PARD3B: variants seen among roughly 807,000 people sequenced by gnomAD.
PARD3B encodes par-3 family cell polarity regulator beta.
A neutral mutation model predicts 130.2 loss-of-function variants in PARD3B; 103 were observed. The ratio of observed to expected loss-of-function variants is 0.79; its 90% CI spans 0.67 to 0.93. The LOEUF is 0.93. PARD3B is among the 40% of genes least tolerant of loss of function. PARD3B has a pLI of 0.00. For synonymous variants in PARD3B, 583 were observed against 553.2 expected (o/e 1.05, Z -0.76); for missense variants, 1,609 against 1,499.2 (o/e 1.07, Z -1.21).
chr2:205,442,178 A>G (rs1575033504), intron 20 of PARD3B, among the ~76,000 whole-genome samples: 1 of 152,120 alleles, frequency 6.6e-6, no homozygotes, highest in East Asian at 1.9e-4. Flanking sequence ...GTATTTTCCA[A>G]TACTAATTCC....
At chr2:205,404,608 A>T (rs1261259792) in intron 19 of PARD3B, among the ~76,000 whole-genome samples, 2 of 152,156 alleles carry the variant, frequency 1.3e-5, no homozygotes. Context: ...CTATGAGATC[A>T]ATATACGATA....
intron 4 of PARD3B, among the ~76,000 whole-genome samples, chr2:205,049,165 G>C (rs1167749675): frequency 2.0e-5 from 3 of 152,126 alleles, no homozygotes; most frequent in Non-Finnish European, 2.9e-5. Context: ...GAAAGTCCCT[G>C]TATTTGCCCA....
rs1448784599 is a variant in PARD3B at position 204,546,530 on chromosome 2, G to A, written c.120+411G>A. ...TAAGTGTGATTTTTGACCCATTAAG[G>A]CCCGCCTCACTTAGGCTCCTTGGAG... On this transcript the variant is annotated intron_variant, in intron 1 of 22. Transcript: ENST00000406610. Among the ~76,000 whole-genome samples, 3 of 152,284 alleles carry A rather than the reference G, an allele frequency of 2.0e-5. No homozygotes were observed. The East Asian group carries it at 5.8e-4, about 29-fold the overall frequency.
At chr2:205,331,392 C>CCAGAAGTTTCTAGGAAA (rs971838314) in intron 18 of PARD3B, among the ~76,000 whole-genome samples, 2 of 151,982 alleles carry the variant, frequency 1.3e-5, no homozygotes, top group African/African-American at 4.8e-5. Context: ...TTCCTAGAAA[C>CCAGAAGTTTCTAGGAAA]CTAAGCCAGA....
intron 16 of PARD3B, among the ~76,000 whole-genome samples, chr2:205,256,446 G>A (rs2040088650): frequency 6.6e-6 from 1 of 151,982 alleles, no homozygotes; most frequent in Non-Finnish European, 1.5e-5. Context: ...AGCAACAATA[G>A]GAATGCAAAC....
intron 20 of PARD3B, among the ~76,000 whole-genome samples, chr2:205,450,326 GT>G (rs2048052636): frequency 6.6e-6 from 1 of 151,862 alleles, no homozygotes; most frequent in Non-Finnish European, 1.5e-5. Context: ...CTGTTCCAGG[GT>G]CCCATATTTA....
chr2:205,127,499 ATGTTTCACT>A, intron 10 of PARD3B, among the ~76,000 whole-genome samples: 1 of 152,324 alleles, frequency 6.6e-6, no homozygotes, highest in South Asian at 2.1e-4. Context: ...AGAACTGATG[ATGTTTCACT>A]TGAAGAAGAG....
chr2:205,516,392 C>G (rs1055458509), intron 21 of PARD3B, among the ~76,000 whole-genome samples: 1 of 152,178 alleles, frequency 6.6e-6, no homozygotes. Flanking sequence ...TATTCATGAG[C>G]ATGGAATGTT....
chr2:205,419,740 A>G (rs780095946), intron 19 of PARD3B, among the ~76,000 whole-genome samples: 1 of 152,210 alleles, frequency 6.6e-6, no homozygotes, highest in African/African-American at 2.4e-5. Context: ...GGAAGAAATA[A>G]GAAATGCTTC....
At chr2:205,204,327 T>G (rs1431084624) in intron 15 of PARD3B, among the ~76,000 whole-genome samples, 1 of 152,208 alleles carries the variant, frequency 6.6e-6, no homozygotes. Context: ...TTGTTTAAGT[T>G]CCTTGTAGAT....
intron 2 of PARD3B, among the ~76,000 whole-genome samples, chr2:204,715,872 C>T (rs1230193069): frequency 6.6e-6 from 1 of 152,114 alleles, no homozygotes; most frequent in Non-Finnish European, 1.5e-5. Flanking sequence ...AATGTGTCAT[C>T]TAGTTTTTTA....
intron 2 of PARD3B, among the ~76,000 whole-genome samples, chr2:204,835,530 C>G (rs2043997503): frequency 6.6e-6 from 1 of 152,152 alleles, no homozygotes; most frequent in Non-Finnish European, 1.5e-5. Flanking sequence ...CTCCGTTTGC[C>G]ACTCCCTTCC....
At chr2:205,556,604 T>C (rs889159803) in intron 22 of PARD3B, among the ~76,000 whole-genome samples, 2 of 152,230 alleles carry the variant, frequency 1.3e-5, no homozygotes, top group Non-Finnish European at 2.9e-5. Flanking sequence ...ATGTTAAATC[T>C]CCTGCCTCCT....
At chr2:204,959,143 G>C (rs1200801277) in intron 2 of PARD3B, among the ~76,000 whole-genome samples, 1 of 151,938 alleles carries the variant, frequency 6.6e-6, no homozygotes, top group Non-Finnish European at 1.5e-5. Flanking sequence ...CCACTCCCCC[G>C]ACAGGCCCTG....
At chr2:204,806,244 A>G (rs1334060800) in intron 2 of PARD3B, among the ~76,000 whole-genome samples, 1 of 152,242 alleles carries the variant, frequency 6.6e-6, no homozygotes, top group Non-Finnish European at 1.5e-5. Context: ...AAATTATTCT[A>G]CAGAGCTGTG....
intron 3 of PARD3B, among the ~76,000 whole-genome samples, chr2:205,030,868 T>C (rs1435888021): frequency 6.6e-6 from 1 of 152,126 alleles, no homozygotes; most frequent in Non-Finnish European, 1.5e-5. Flanking sequence ...GGGGGTCTGT[T>C]TACCCAACCC....
At chr2:205,349,927 G>A (rs1038739505) in intron 18 of PARD3B, among the ~76,000 whole-genome samples, 2 of 150,004 alleles carry the variant, frequency 1.3e-5, no homozygotes, top group Non-Finnish European at 2.9e-5. Context: ...ATAACCTGTA[G>A]TGTAAACACA....
chr2:204,730,477 A>C (rs976724136), intron 2 of PARD3B, among the ~76,000 whole-genome samples: 7 of 151,798 alleles, frequency 4.6e-5, no homozygotes, highest in Non-Finnish European at 1.0e-4. Context: ...TGTAAGGTTC[A>C]AATTGATGTT....
At position 205,359,349 on chromosome 2, in the gene PARD3B, A is replaced by G. The variant is rs76978786; in HGVS notation, c.2631-41664A>G. Among the ~76,000 whole-genome samples, 421 of 152,358 alleles carry G rather than the reference A, an allele frequency of 2.8e-3. 3 individuals carry two copies. The East Asian group carries it at 0.029, about 10-fold the overall frequency. On this transcript the variant is annotated intron_variant, in intron 18 of 22. Coordinates refer to ENST00000406610, the MANE Select transcript of PARD3B (RefSeq NM_001302769.2). ...TCTCCACAATAATAACATGAAATAT[A>G]TAAGGGAAATCTTATGCATGTACTC...
Sources: allele counts gnomAD v4.1 joint callset (sites outside exome capture counted in the v4.1 genomes callset), GRCh38; gene constraint gnomAD v4.1.1; transcripts MANE v1.5; gene names NCBI Gene and HGNC (gene_info 2026-07-23, HGNC 2026-07-21).